Variants in TBX4 observed in about 807,000 individuals in gnomAD.
TBX4 encodes the protein T-box transcription factor TBX4.
In TBX4, 13 loss-of-function variants were observed where a neutral mutation model predicts 54.6. The observed-to-expected ratio is 0.24, with a 90% CI of 0.15 to 0.38. TBX4 has a LOEUF of 0.38. Among genes scored for constraint, TBX4 ranks in the 10% least tolerant of loss-of-function variants. The pLI, the probability that TBX4 is intolerant of heterozygous loss-of-function variation, is 1.00. For synonymous variants in TBX4, 314 were observed against 306.7 expected (o/e 1.02, Z -0.25); for missense variants, 631 against 728.5 (o/e 0.87, Z 1.54).
chr17:61,469,937 T>G (rs2060564588), intron 5 of TBX4, among the ~76,000 whole-genome samples: 1 of 152,202 alleles, frequency 6.6e-6, no homozygotes, highest in Non-Finnish European at 1.5e-5. Context: ...TTCTACGTTT[T>G]CAGCTTGCCC....
Position 61,465,336 on chromosome 17 carries a change from C to G in TBX4, c.282-483C>G, listed in dbSNP as rs2060527191. 6.6e-6 allele frequency among the ~76,000 whole-genome samples: 1 copy of G among 152,174 alleles called. No individual in the cohort carries two copies. On this transcript the variant is annotated intron_variant, in intron 3 of 8. Coordinates refer to ENST00000644296, the MANE Select transcript of TBX4 (RefSeq NM_001321120.2). The surrounding 1 kb of genome is among the most constrained non-coding windows in gnomAD (Gnocchi z 4.9). ...CAGAGGCATGACCCAGAGGAGGCAGCTCATTATTTATGGAAGCAGCTGACG... is the reference window on the plus strand; with the variant it reads ...CAGAGGCATGACCCAGAGGAGGCAGGTCATTATTTATGGAAGCAGCTGACG...
chr17:61,456,499 G>T lies in TBX4; in HGVS notation c.9G>T (p.Gln3His), dbSNP rs1452556882. The change falls in exon 2 of 9, where the codon CAG becomes CAT. Residue 3 changes from glutamine (Q) to histidine (H), a missense_variant. Coordinates refer to ENST00000644296, the MANE Select transcript of TBX4 (RefSeq NM_001321120.2). ...TGCTGTGCCCGCAGGAGATGCTGCA[G>T]GATAAGGGCCTGTCCGAGAGCGAGG... ML[Q>H]DKGLSESEEA... 1.3e-6 allele frequency: 2 copies of T among 1,569,908 alleles called. No homozygotes were observed. The highest frequency in any genetic ancestry group is 1.2e-5 in the South Asian group (1 of 85,222).
At chr17:61,467,438 C>T (rs1023524130) in intron 4 of TBX4, 72 bp from the exon 5 acceptor site, 1 of 1,600,004 alleles carries the variant, frequency 6.2e-7, no homozygotes, top group African/African-American at 1.3e-5. Context: ...GGGTTTGCTC[C>T]AAGAGGGGAC....
intron 5 of TBX4, among the ~76,000 whole-genome samples, chr17:61,471,543 A>ACTTTT (rs781634797): frequency 1.5e-5 from 2 of 136,322 alleles, no homozygotes; most frequent in Non-Finnish European, 3.2e-5. Context: ...TCTTTTCAGC[A>ACTTTT]TTTTTTTTTT....
Position 61,478,270 on chromosome 17 carries a change from T to C in TBX4, c.550-357T>C. The C allele has an allele frequency of 3.0e-6, 1 of 334,970 alleles. No homozygotes were observed. Among genetic ancestry groups the C allele is most frequent in the Non-Finnish European group, 5.7e-6 (1 of 174,122 alleles). 20.7% of individuals were successfully genotyped at this position (334,970 alleles called of 1,614,324 possible). A position where few individuals can be genotyped will look rare whatever the true frequency, so the allele number is the denominator to read the frequency against. On this transcript the variant is annotated intron_variant, in intron 5 of 8. Transcript: ENST00000644296. The surrounding 1 kb of genome is among the most constrained non-coding windows in gnomAD (Gnocchi z 7.4). ...GTGACTCGGTGGCACCCTGGACTTTTGCTGACAGCTCACAATTCCACCTGC... is the reference window on the plus strand; with the variant it reads ...GTGACTCGGTGGCACCCTGGACTTTCGCTGACAGCTCACAATTCCACCTGC...
At chr17:61,466,755 G>A (rs1681633389) in intron 4 of TBX4, among the ~76,000 whole-genome samples, 1 of 152,246 alleles carries the variant, frequency 6.6e-6, no homozygotes, top group African/African-American at 2.4e-5. Context: ...TGGCTGCGGG[G>A]AGAGCTACCA....
Position 61,478,584 on chromosome 17 carries a change from C to T in TBX4, c.550-43C>T, listed in dbSNP as rs371908693. On this transcript the variant is annotated intron_variant, in intron 5 of 8. Transcript: ENST00000644296. This position sits in a 1 kb window ranked among gnomAD's most constrained non-coding sequence, Gnocchi z 7.4. ...AATGAGGTCAAGGGCCTGGGGCTTG[C>T]GGATGGGGACCTGGAGCTCAGCATG... The T allele has an allele frequency of 3.2e-5, 52 of 1,613,566 alleles. No homozygotes were observed. The highest frequency in any genetic ancestry group is 2.9e-4 in the African/African-American group (22 of 74,896).
chr17:61,459,116 G>A lies in TBX4; in HGVS notation c.281+1485G>A, dbSNP rs1262266892. Among the ~76,000 whole-genome samples, 1 of 152,236 alleles carries A rather than the reference G, an allele frequency of 6.6e-6. No individual in the cohort carries two copies. Among genetic ancestry groups the A allele is most frequent in the East Asian group, 1.9e-4 (1 of 5,198 alleles). ...TGCTGTATTTTGGGGATGGAGATAG[G>A]GAAGGAAGACACATGAAGGGGCTGG... On this transcript the variant is annotated intron_variant, in intron 3 of 8. Transcript: ENST00000644296. This position sits in a 1 kb window ranked among gnomAD's most constrained non-coding sequence, Gnocchi z 4.8.
chr17:61,472,263 T>G lies in TBX4; in HGVS notation c.549+4606T>G, dbSNP rs1462561974. Among the ~76,000 whole-genome samples the G allele has an allele frequency of 6.6e-6, 1 of 152,230 alleles. No individual in the cohort carries two copies. Among genetic ancestry groups the G allele is most frequent in the Non-Finnish European group, 1.5e-5 (1 of 68,050 alleles). On this transcript the variant is annotated intron_variant, in intron 5 of 8. Transcript: ENST00000644296. The surrounding 1 kb of genome is among the most constrained non-coding windows in gnomAD (Gnocchi z 4.5). ...TCACCAAATTCCCCTCCATGGGAGCTGTACTGATGTATATATTTCCACCAC... is the reference window on the plus strand; with the variant it reads ...TCACCAAATTCCCCTCCATGGGAGCGGTACTGATGTATATATTTCCACCAC...
At chr17:61,463,774 G>A (rs2060514920) in intron 3 of TBX4, among the ~76,000 whole-genome samples, 1 of 152,244 alleles carries the variant, frequency 6.6e-6, no homozygotes, top group African/African-American at 2.4e-5. Context: ...GCCAGCCCAA[G>A]TATGGCCAGG....
rs764200673 is a variant in TBX4 at position 61,479,862 on chromosome 17, A to G, written c.703-19A>G. 4 of 1,611,566 alleles carry G rather than the reference A, an allele frequency of 2.5e-6. No homozygotes were observed. The highest frequency in any genetic ancestry group is 1.3e-5 in the African/African-American group (1 of 74,954). On this transcript the variant is annotated intron_variant, in intron 6 of 8. Transcript: ENST00000644296. This position sits in a 1 kb window ranked among gnomAD's most constrained non-coding sequence, Gnocchi z 6.1. ...TTGTGTGCCTCACACTGGTGACCCT[A>G]TGTGTTTTCTCCCCACAGATCACCC...
At chr17:61,470,687 G>T (rs1200520149) in intron 5 of TBX4, among the ~76,000 whole-genome samples, 1 of 152,210 alleles carries the variant, frequency 6.6e-6, no homozygotes, top group Non-Finnish European at 1.5e-5. Context: ...AGGACCAAGG[G>T]GCTGGGGCTG....
At position 61,478,607 on chromosome 17, in the gene TBX4, A is replaced by G. The variant is rs752959849; in HGVS notation, c.550-20A>G. Reference sequence around the variant, plus strand: ...TGCGGATGGGGACCTGGAGCTCAGCATGAGACCCTTCTCTTCCAGATCATC... The same window carrying G: ...TGCGGATGGGGACCTGGAGCTCAGCGTGAGACCCTTCTCTTCCAGATCATC... On this transcript the variant is annotated intron_variant, in intron 5 of 8. Coordinates refer to ENST00000644296, the MANE Select transcript of TBX4 (RefSeq NM_001321120.2). This position sits in a 1 kb window ranked among gnomAD's most constrained non-coding sequence, Gnocchi z 7.4. 8.1e-6 allele frequency: 13 copies of G among 1,614,092 alleles called. No individual in the cohort carries two copies. The highest frequency in any genetic ancestry group is 2.2e-5 in the South Asian group (2 of 91,086).
intron 5 of TBX4, among the ~76,000 whole-genome samples, 157 bp downstream of exon 5, chr17:61,467,814 C>A (rs1477511232): frequency 3.3e-5 from 5 of 152,198 alleles, no homozygotes; most frequent in Non-Finnish European, 5.9e-5. Flanking sequence ...GCCTCTGAGG[C>A]CTGCAGAGAG....
intron 4 of TBX4, 47 bp from the exon 5 acceptor site, chr17:61,467,463 C>T: frequency 6.2e-7 from 1 of 1,613,752 alleles, no homozygotes; most frequent in Non-Finnish European, 8.5e-7. Flanking sequence ...AATCTGGCCT[C>T]ACCAGCCCCT....
In TBX4 at chr17:61,480,518, A is replaced by T. The variant is rs2060656877; in HGVS notation, c.1021+199A>T. ...TTCCAGTGCAGGGATGCTGGTTCTC[A>T]TCTCTCATGCTGCCTTTGGAACCCT... On this transcript the variant is annotated intron_variant, in intron 8 of 8. Coordinates refer to ENST00000644296, the MANE Select transcript of TBX4 (RefSeq NM_001321120.2). This position sits in a 1 kb window ranked among gnomAD's most constrained non-coding sequence, Gnocchi z 6.2. 6.6e-6 allele frequency among the ~76,000 whole-genome samples: 1 copy of T among 152,128 alleles called. No homozygotes were observed. Among genetic ancestry groups the T allele is most frequent in the South Asian group, 2.1e-4 (1 of 4,822 alleles).
chr17:61,457,657 G>A lies in TBX4; in HGVS notation c.281+26G>A, dbSNP rs1366900504. On this transcript the variant is annotated intron_variant, in intron 3 of 8. Transcript: ENST00000644296. The surrounding 1 kb of genome is among the most constrained non-coding windows in gnomAD (Gnocchi z 8.2). ...GTCAGCGCTGGGAGATTTACTTCCG[G>A]GGATGGCGGTGGGGAGCAAGGGGGG... is the stretch of plus-strand genomic sequence containing the variant. 3.1e-6 allele frequency: 5 copies of A among 1,610,550 alleles called. No homozygotes were observed. In the South Asian group the frequency reaches 4.4e-5, roughly 14 times the overall value.
In TBX4 at chr17:61,480,251, A is replaced by G; in HGVS notation, c.953A>G (p.Asp318Gly). 6.2e-7 allele frequency: 1 copy of G among 1,613,972 alleles called. No homozygotes were observed. The highest frequency in any genetic ancestry group is 8.5e-7 in the Non-Finnish European group (1 of 1,179,988). ...GAHSQLAEPQ[D>G]LPLSTFPTQR... ...CACTCACAGCTCGCGGAGCCGCAGG[A>G]CCTGCCCCTCAGCACCTTTCCCACC... Residue 318 changes from aspartate (D) to glycine (G), a missense_variant, in exon 8 of 9, where the codon GAC becomes GGC. Transcript: ENST00000644296. This position sits in a 1 kb window ranked among gnomAD's most constrained non-coding sequence, Gnocchi z 6.2.
chr17:61,454,448 G>C (rs1423851147), intron 1 of TBX4, among the ~76,000 whole-genome samples: 1 of 152,262 alleles, frequency 6.6e-6, no homozygotes, highest in Non-Finnish European at 1.5e-5. Context: ...TGCTGAGTGC[G>C]GGACCCCGCG....
Sources: allele counts gnomAD v4.1 joint callset (sites outside exome capture counted in the v4.1 genomes callset), GRCh38; gene constraint gnomAD v4.1.1; non-coding constraint Gnocchi (gnomAD v3.1); transcripts MANE v1.5; gene names NCBI Gene and HGNC (gene_info 2026-07-23, HGNC 2026-07-21).